Variants in EBF1 observed in about 807,000 individuals in gnomAD.
The protein encoded by EBF1 is transcription factor COE1.
EBF1 carries 10 observed loss-of-function variants against 68.4 expected under a neutral mutation model. That is an observed-to-expected ratio of 0.15 (90% confidence interval 0.09 to 0.25). The LOEUF (loss-of-function observed/expected upper bound fraction) is 0.25. Ranked by LOEUF, EBF1 falls within the 10% of genes least tolerant of loss-of-function variation. The pLI is 1.00. For missense variants in EBF1, 509 were observed against 794.4 expected (o/e 0.64, Z 4.32); for synonymous variants, 298 against 299.8 (o/e 0.99, Z 0.06).
intron 7 of EBF1, 105 bp downstream of exon 7, chr5:158,839,924 T>C (rs1582424885): frequency 9.0e-7 from 1 of 1,112,004 alleles, no homozygotes; most frequent in South Asian, 1.3e-5. Flanking sequence ...TCAGCTGCTC[T>C]TCACCTCTGG....
At chr5:158,867,770 G>A (rs192846162) in intron 6 of EBF1, among the ~76,000 whole-genome samples, 6 of 152,128 alleles carry the variant, frequency 3.9e-5, no homozygotes, top group Admixed American at 3.9e-4. Context: ...TCCTATCTTA[G>A]CTTCAGAGCT....
In EBF1 at chr5:158,992,337, C is replaced by A. The variant is rs185250847; in HGVS notation, c.554+81059G>T. The stretch of plus-strand genomic sequence containing the variant: ...GCTTTCCCTAATGATTTTTTTTTTT[C>A]ATCAGAATTAAAGAAATGTATGCCC... On this transcript the variant is annotated intron_variant, in intron 6 of 15. Transcript: ENST00000313708. Among the ~76,000 whole-genome samples, 157 of 147,522 alleles carry A rather than the reference C, an allele frequency of 1.1e-3. No homozygotes were observed. The Middle Eastern group carries it at 0.021, about 20-fold the overall frequency.
intron 6 of EBF1, among the ~76,000 whole-genome samples, chr5:159,045,044 AT>A (rs745803378): frequency 7.9e-5 from 12 of 152,296 alleles, no homozygotes; most frequent in Admixed American, 3.3e-4. Context: ...AGTGTCTTTT[AT>A]TTATGTTTTC....
At chr5:158,984,652 A>G (rs1583668161) in intron 6 of EBF1, 1 of 150,422 alleles carries the variant, frequency 6.6e-6, no homozygotes, top group Non-Finnish European at 1.5e-5. Flanking sequence ...AACAGCGTCC[A>G]GCTACAATCT....
intron 6 of EBF1, among the ~76,000 whole-genome samples, chr5:159,071,850 G>A (rs1041378112): frequency 3.3e-5 from 5 of 152,086 alleles, no homozygotes; most frequent in African/African-American, 1.2e-4. Flanking sequence ...AAAGTTTTGG[G>A]GACTATTTGG....
chr5:158,922,744 G>C (rs1304719855), intron 6 of EBF1, among the ~76,000 whole-genome samples: 3 of 152,132 alleles, frequency 2.0e-5, no homozygotes, highest in Non-Finnish European at 2.9e-5. Flanking sequence ...TGTTTAATGT[G>C]CATTTTTTGA....
chr5:158,756,856 A>G (rs1293008495), intron 10 of EBF1, among the ~76,000 whole-genome samples: 3 of 151,922 alleles, frequency 2.0e-5, no homozygotes, highest in Non-Finnish European at 4.4e-5. Flanking sequence ...ATTCTACCAC[A>G]GATTTAAAAT....
chr5:158,840,670 TTTGTTTTTTTTTTTTTTTTG>T, intron 6 of EBF1, among the ~76,000 whole-genome samples: 1 of 76,562 alleles, frequency 1.3e-5, no homozygotes, highest in South Asian at 7.2e-4. Flanking sequence ...TTTTTTTTTT[TTTGTTTTTTTTTTTTTTTTG>T]AGACGGAGTC....
chr5:159,094,164 G>GTAAAAAAAA (rs1415478986), intron 4 of EBF1, among the ~76,000 whole-genome samples: 2 of 14,206 alleles, frequency 1.4e-4, no homozygotes, highest in Non-Finnish European at 2.7e-4. Flanking sequence ...GCCTTGGAAG[G>GTAAAAAAAA]CAAAAAAAAA....
chr5:158,748,685 C>A (rs558018381), intron 10 of EBF1, among the ~76,000 whole-genome samples: 1 of 152,132 alleles, frequency 6.6e-6, no homozygotes. Flanking sequence ...ACCAAACGAG[C>A]GTTCTGGGAC....
At chr5:158,760,555 T>TTTA (rs961208583) in intron 10 of EBF1, among the ~76,000 whole-genome samples, 5 of 152,112 alleles carry the variant, frequency 3.3e-5, no homozygotes, top group African/African-American at 9.7e-5. Flanking sequence ...TATTTATTTA[T>TTTA]TTATTATTAT....
intron 1 of EBF1, 95 bp downstream of exon 1, chr5:159,099,249 GC>G: frequency 1.9e-6 from 2 of 1,045,750 alleles, no homozygotes; most frequent in Non-Finnish European, 2.4e-6. Flanking sequence ...CCGCCGCCCG[GC>G]CCCGCGGCAG....
At chr5:159,048,628 T>C (rs1772926804) in intron 6 of EBF1, among the ~76,000 whole-genome samples, 1 of 152,158 alleles carries the variant, frequency 6.6e-6, no homozygotes, top group African/African-American at 2.4e-5. Context: ...CTGCCTTACT[T>C]TTTCTTCCTT....
intron 6 of EBF1, among the ~76,000 whole-genome samples, chr5:158,894,207 A>G (rs938143484): frequency 6.6e-6 from 1 of 152,218 alleles, no homozygotes; most frequent in African/African-American, 2.4e-5. Flanking sequence ...GCATCATGAA[A>G]TAATCATTAA....
intron 7 of EBF1, among the ~76,000 whole-genome samples, chr5:158,831,042 T>C (rs1315505514): frequency 2.6e-5 from 4 of 152,190 alleles, no homozygotes; most frequent in African/African-American, 4.8e-5. Context: ...CGGTGACATA[T>C]GATAAACATG....
At chr5:159,010,598 G>A (rs1764461112) in intron 6 of EBF1, among the ~76,000 whole-genome samples, 1 of 152,028 alleles carries the variant, frequency 6.6e-6, no homozygotes, top group African/African-American at 2.4e-5. Flanking sequence ...AAGCTCTTTC[G>A]CCCTTTAAGA....
At chr5:158,830,059 C>T (rs565539158) in intron 7 of EBF1, among the ~76,000 whole-genome samples, 1 of 152,280 alleles carries the variant, frequency 6.6e-6, no homozygotes, top group South Asian at 2.1e-4. Context: ...AATATGTCAT[C>T]ATAGGAGGTT....
rs191780452 is a variant in EBF1, at chr5:158,830,624, T to A, written c.637-7307A>T. Among the ~76,000 whole-genome samples the A allele has an allele frequency of 4.4e-3, 456 of 103,666 alleles. 2 individuals are homozygous for A. The highest frequency in any genetic ancestry group is 0.013 in the African/African-American group (409 of 30,982). The allele number at this position is 103,666 out of a possible 152,430, so 68.0% of individuals were successfully genotyped here. A position where few individuals can be genotyped will look rare whatever the true frequency, so the allele number is the denominator to read the frequency against. On this transcript the variant is annotated intron_variant, in intron 7 of 15. Coordinates refer to ENST00000313708, the MANE Select transcript of EBF1 (RefSeq NM_024007.5). ...ACATCCTCTCTCTGGACTCTCCTAA[T>A]ACTTCCAGTACAAATCTATGGTGCC... is the stretch of plus-strand genomic sequence containing the variant.
intron 6 of EBF1, among the ~76,000 whole-genome samples, chr5:158,864,275 T>G (rs189089444): frequency 6.8e-6 from 1 of 147,246 alleles, no homozygotes; most frequent in Non-Finnish European, 1.5e-5. Flanking sequence ...ACCTTAGATA[T>G]GAAGAGAGTA....
Sources: gnomAD v4.1 joint callset for allele counts (sites outside exome capture counted in the v4.1 genomes callset) on GRCh38, gnomAD v4.1.1 for gene constraint, MANE v1.5 for transcripts, NCBI Gene and HGNC (gene_info 2026-07-23, HGNC 2026-07-21) for gene names.